CACHD1: variants seen among roughly 807,000 people sequenced by gnomAD.
CACHD1 encodes VWFA and cache domain-containing protein 1.
In CACHD1, 71 loss-of-function variants were observed where a neutral mutation model predicts 138.7. The ratio of observed to expected loss-of-function variants is 0.51; its 90% CI spans 0.42 to 0.62. The LOEUF is 0.62. Ranked by LOEUF, CACHD1 falls within the 20% of genes least tolerant of loss-of-function variation. The pLI, the probability that CACHD1 is intolerant of heterozygous loss-of-function variation, is 0.00. For synonymous variants in CACHD1, 578 were observed against 591.5 expected, an observed-to-expected ratio of 0.98 and a Z score of 0.33; for missense variants, 1,389 against 1,625.3, an observed-to-expected ratio of 0.85 and a Z score of 2.50.
chr1:64,654,778 A>G lies in CACHD1; in HGVS notation c.1757A>G (p.Tyr586Cys), dbSNP rs1009658875. ...NKLRETGKEAYNVSYAWKMVQ... is the reference protein window; with the variant it reads ...NKLRETGKEACNVSYAWKMVQ... The stretch of plus-strand genomic sequence containing the variant: ...CTGAGAGAAACTGGAAAGGAAGCCT[A>G]CAATGTTAGCTATGCCTGGAAGATG... The change falls in exon 12 of 27, where the codon TAC becomes TGC. Residue 586 changes from tyrosine to cysteine, a missense_variant. By Grantham distance (194) the Tyr-to-Cys change is radical (BLOSUM62 -2). This residue lies in a region of CACHD1 where 1,000 missense variants were observed against 1,114.7 expected (regional missense o/e 0.90). Transcript: ENST00000651257. 2 of 1,613,106 alleles carry G rather than the reference A, an allele frequency of 1.2e-6. No homozygotes were observed. Among genetic ancestry groups the G allele is most frequent in the African/African-American group, 2.7e-5 (2 of 74,988 alleles).
chr1:64,686,888 T>C (rs1014802823), intron 26 of CACHD1, among the ~76,000 whole-genome samples: 3 of 152,088 alleles, frequency 2.0e-5, no homozygotes, highest in Non-Finnish European at 4.4e-5. Flanking sequence ...TTTCTAGAGG[T>C]GCACAAACAT....
chr1:64,566,966 G>C (rs1211412605), intron 2 of CACHD1, among the ~76,000 whole-genome samples: 1 of 152,092 alleles, frequency 6.6e-6, no homozygotes, highest in Non-Finnish European at 1.5e-5. Flanking sequence ...TAAATGGTAT[G>C]TGTTGCCTCC....
Position 64,642,095 on chromosome 1 carries a change from G to A in CACHD1, c.1156+126G>A, listed in dbSNP as rs138769948. 6.2e-4 allele frequency: 479 copies of A among 777,022 alleles called. 4 individuals are homozygous for A. In the East Asian group the frequency reaches 0.013, roughly 21 times the overall value. The allele number at this position is 777,022 out of a possible 1,614,324, so 48.1% of individuals were successfully genotyped here. Reference sequence around the variant, plus strand: ...AGGCTACGGGAAAAGGCAACCAGGCGGCTCTTTCTCTACCTGATGTTGGTA... The same window carrying A: ...AGGCTACGGGAAAAGGCAACCAGGCAGCTCTTTCTCTACCTGATGTTGGTA... On this transcript the variant is annotated intron_variant, in intron 8 of 26. Coordinates refer to ENST00000651257, the MANE Select transcript of CACHD1 (RefSeq NM_020925.4).
At chr1:64,534,678 C>T (rs1356091722) in intron 1 of CACHD1, among the ~76,000 whole-genome samples, 2 of 152,232 alleles carry the variant, frequency 1.3e-5, no homozygotes, top group Non-Finnish European at 2.9e-5. Flanking sequence ...CTTAGTGCTG[C>T]ATCTTCCAGA....
In CACHD1 at chr1:64,470,129, A is replaced by T. The variant is rs538776195; in HGVS notation, c.-616A>T. Reference sequence around the variant, plus strand: ...ATCACCGCAGCCGCCGCGGCGGCCCAGCCGGGAAGTGCACAGAGCCGGAGC... The same window carrying T: ...ATCACCGCAGCCGCCGCGGCGGCCCTGCCGGGAAGTGCACAGAGCCGGAGC... On this transcript the variant is annotated 5_prime_UTR_variant, in exon 1 of 27. Transcript: ENST00000651257. The surrounding 1 kb of genome is among the most constrained non-coding windows in gnomAD (Gnocchi z 5.2). Among the ~76,000 whole-genome samples, 2 of 151,752 alleles carry T rather than the reference A, an allele frequency of 1.3e-5. No homozygotes were observed. Among genetic ancestry groups the T allele is most frequent in the African/African-American group, 4.8e-5 (2 of 41,342 alleles).
intron 3 of CACHD1, among the ~76,000 whole-genome samples, chr1:64,594,618 G>T (rs987045634): frequency 6.6e-6 from 1 of 152,146 alleles, no homozygotes; most frequent in South Asian, 2.1e-4. Flanking sequence ...AGCTTCCTGC[G>T]TTTTTCGTGT....
intron 1 of CACHD1, among the ~76,000 whole-genome samples, chr1:64,505,462 A>C (rs1356901717): frequency 6.6e-6 from 1 of 152,102 alleles, no homozygotes; most frequent in Non-Finnish European, 1.5e-5. Context: ...AGAGCGGCTC[A>C]GCGAAGGCCC....
intron 4 of CACHD1, among the ~76,000 whole-genome samples, chr1:64,628,095 T>C (rs1220124760): frequency 2.6e-5 from 4 of 152,216 alleles, no homozygotes; most frequent in Admixed American, 6.5e-5. Flanking sequence ...AACTTAAATA[T>C]CCTGTGTGAA....
At chr1:64,665,121 T>C (rs1649587276) in intron 15 of CACHD1, among the ~76,000 whole-genome samples, 1 of 152,080 alleles carries the variant, frequency 6.6e-6, no homozygotes, top group African/African-American at 2.4e-5. Context: ...GAGCTAACAA[T>C]GTGCTATAGC....
intron 4 of CACHD1, among the ~76,000 whole-genome samples, chr1:64,605,398 C>T (rs1215752024): frequency 2.0e-5 from 3 of 152,064 alleles, no homozygotes; most frequent in Non-Finnish European, 4.4e-5. Flanking sequence ...GATATTTTTA[C>T]TTCCTTATTA....
chr1:64,575,427 G>A (rs12094065), intron 2 of CACHD1, among the ~76,000 whole-genome samples: 3 of 152,230 alleles, frequency 2.0e-5, no homozygotes, highest in Admixed American at 6.5e-5. Flanking sequence ...GTGAGGTTCA[G>A]AGATGTTAAA....
chr1:64,603,099 CTTTTT>C (rs34372401), intron 4 of CACHD1, among the ~76,000 whole-genome samples, 187 bp downstream of exon 4: 13 of 64,940 alleles, frequency 2.0e-4, no homozygotes, highest in East Asian at 5.6e-4. Flanking sequence ...AAGCTTACAT[CTTTTT>C]TTTTTTTTTT....
At chr1:64,500,618 C>T (rs571086514) in intron 1 of CACHD1, among the ~76,000 whole-genome samples, 4 of 151,146 alleles carry the variant, frequency 2.6e-5, no homozygotes, top group South Asian at 4.2e-4. Context: ...TTGAAGAAGT[C>T]GAGGCGGGAG....
chr1:64,658,796 G>A lies in CACHD1; in HGVS notation c.1874G>A (p.Ser625Asn). ...AAGAACCTCAACACTGTTCCCAGCA[G>A]CAAGCTGCTGTACCACCGGCTGGAT... The part of the protein sequence containing the change: ...QLKNLNTVPS[S>N]KLLYHRLDLL... The change falls in exon 13 of 27, where the codon AGC becomes AAC. Residue 625 changes from serine to asparagine, a missense_variant. This residue lies in a region of CACHD1 where 1,000 missense variants were observed against 1,114.7 expected (regional missense o/e 0.90). Coordinates refer to ENST00000651257, the MANE Select transcript of CACHD1 (RefSeq NM_020925.4). 1 of 1,603,948 alleles carries A rather than the reference G, an allele frequency of 6.2e-7. No homozygotes were observed. The highest frequency in any genetic ancestry group is 8.5e-7 in the Non-Finnish European group (1 of 1,173,958).
chr1:64,649,561 G>T (rs996357787), intron 9 of CACHD1, among the ~76,000 whole-genome samples: 10 of 152,136 alleles, frequency 6.6e-5, no homozygotes, highest in Non-Finnish European at 1.3e-4. Context: ...CCTACCCTCA[G>T]TAAGCGTAAG....
At chr1:64,581,887 A>G (rs2100537839) in intron 2 of CACHD1, among the ~76,000 whole-genome samples, 2 of 152,304 alleles carry the variant, frequency 1.3e-5, no homozygotes, top group South Asian at 4.1e-4. Flanking sequence ...AAGGTATTTT[A>G]TGGATAGGTA....
In CACHD1 at chr1:64,662,295, G is replaced by A. The variant is rs375455704; in HGVS notation, c.1952-1400G>A. Among the ~76,000 whole-genome samples the A allele has an allele frequency of 6.6e-5, 10 of 152,332 alleles. 1 individual carries two copies. The highest frequency in any genetic ancestry group is 5.2e-4 in the Admixed American group (8 of 15,306). ...TTGACTTGGGGTTCCTATCATCTGA[G>A]TGGTTTGGGGAACTTCAAGCATTAG... is the stretch of plus-strand genomic sequence containing the variant. On this transcript the variant is annotated intron_variant, in intron 13 of 26. Coordinates refer to ENST00000651257, the MANE Select transcript of CACHD1 (RefSeq NM_020925.4).
intron 6 of CACHD1, among the ~76,000 whole-genome samples, chr1:64,633,530 A>G (rs1295000842): frequency 6.6e-6 from 1 of 152,156 alleles, no homozygotes; most frequent in Non-Finnish European, 1.5e-5. Flanking sequence ...AAGAAGGGAA[A>G]GCCGCTAGTG....
intron 2 of CACHD1, among the ~76,000 whole-genome samples, chr1:64,562,574 T>C (rs2100488304): frequency 2.2e-5 from 1 of 45,294 alleles, no homozygotes; most frequent in African/African-American, 7.9e-5. Context: ...CACACCTGGC[T>C]AATTTTTTTT....
Sources: gnomAD v4.1 joint callset for allele counts (sites outside exome capture counted in the v4.1 genomes callset) on GRCh38, gnomAD v4.1.1 for gene constraint, gnomAD v4.1.1 regional missense constraint, Gnocchi (gnomAD v3.1) non-coding constraint, MANE v1.5 for transcripts, NCBI Gene and HGNC (gene_info 2026-07-23, HGNC 2026-07-21) for gene names.